CUL5: variants seen among roughly 807,000 people sequenced by gnomAD.
CUL5 encodes the protein cullin 5.
In CUL5, 26 loss-of-function variants were observed where a neutral mutation model predicts 108.8. That is an observed-to-expected ratio of 0.24 (90% CI 0.18 to 0.33). CUL5 has a LOEUF of 0.33. Among genes scored for constraint, CUL5 ranks in the 10% least tolerant of loss-of-function variants. The probability of loss-of-function intolerance (pLI) is 1.00; values close to 1 mark genes in which losing one functional copy is unlikely to be tolerated. For synonymous variants in CUL5, 334 were observed against 298.0 expected (o/e 1.12, Z -1.25); for missense variants, 524 against 909.2 (o/e 0.58, Z 5.45).
At chr11:108,053,006 C>T (rs1863273545) in intron 5 of CUL5, among the ~76,000 whole-genome samples, 1 of 152,176 alleles carries the variant, frequency 6.6e-6, no homozygotes, top group Non-Finnish European at 1.5e-5. Context: ...ATATTTTCTT[C>T]ATGCCATTAA....
intron 1 of CUL5, among the ~76,000 whole-genome samples, chr11:108,021,353 G>A (rs1473971279): frequency 6.6e-6 from 1 of 152,142 alleles, no homozygotes; most frequent in Non-Finnish European, 1.5e-5. Context: ...TAATTCTATG[G>A]ATGCCATTAT....
In CUL5 at chr11:108,105,694, A is replaced by G. The variant is rs1864782161; in HGVS notation, c.*1310A>G. Reference sequence around the variant, plus strand: ...AGGACGTGAACAACTTGAAAGAGAAAATTGATTCCCCTTGAGGAAAGAATG... The same window carrying G: ...AGGACGTGAACAACTTGAAAGAGAAGATTGATTCCCCTTGAGGAAAGAATG... On this transcript the variant is annotated 3_prime_UTR_variant, in exon 19 of 19. Transcript: ENST00000393094. The G allele has an allele frequency of 6.6e-6, 1 of 152,102 alleles. No individual in the cohort carries two copies. The highest frequency in any genetic ancestry group is 2.4e-5 in the African/African-American group (1 of 41,434). The allele number at this position is 152,102 out of a possible 1,614,324, so 9.4% of individuals were successfully genotyped here. A position where few individuals can be genotyped will look rare whatever the true frequency, so the allele number is the denominator to read the frequency against.
intron 11 of CUL5, among the ~76,000 whole-genome samples, chr11:108,081,691 G>T (rs1291529473): frequency 6.6e-6 from 1 of 152,190 alleles, no homozygotes; most frequent in Non-Finnish European, 1.5e-5. Flanking sequence ...GGCAGAGCTT[G>T]CAGTGAGCTG....
intron 1 of CUL5, among the ~76,000 whole-genome samples, chr11:108,022,436 T>C (rs1351604902): frequency 6.6e-6 from 1 of 152,228 alleles, no homozygotes; most frequent in Non-Finnish European, 1.5e-5. Flanking sequence ...GCTCCTTTAC[T>C]CATGACCTAG....
At chr11:108,096,096 GA>G (rs776430763) in intron 16 of CUL5, among the ~76,000 whole-genome samples, 307 of 125,794 alleles carry the variant, frequency 2.4e-3, no homozygotes, top group African/African-American at 4.4e-3. Context: ...AACTCCGTCT[GA>G]AAAAAAAAAA....
At chr11:108,103,829 T>C (rs1057201848) in intron 18 of CUL5, among the ~76,000 whole-genome samples, 5 of 152,180 alleles carry the variant, frequency 3.3e-5, no homozygotes, top group Non-Finnish European at 5.9e-5. Context: ...AAATACATAC[T>C]TTAAGTTCTG....
chr11:108,052,638 C>T (rs763578346), intron 4 of CUL5, 22 bp from the exon 5 acceptor site: 20 of 1,569,630 alleles, frequency 1.3e-5, no homozygotes, highest in Middle Eastern at 1.7e-4. Flanking sequence ...AATTATGTTA[C>T]AATTTGTTCT....
intron 1 of CUL5, among the ~76,000 whole-genome samples, chr11:108,014,678 A>G (rs1172759875): frequency 1.3e-5 from 2 of 152,202 alleles, no homozygotes; most frequent in East Asian, 1.9e-4. Flanking sequence ...TGGGAAATAC[A>G]TTTATTCATT....
At chr11:108,064,135 C>T (rs1863616625) in intron 7 of CUL5, among the ~76,000 whole-genome samples, 1 of 152,122 alleles carries the variant, frequency 6.6e-6, no homozygotes, top group Non-Finnish European at 1.5e-5. Context: ...TAGTTTTTCT[C>T]CATTCAGTAT....
chr11:108,071,126 A>G (rs1420208869), intron 8 of CUL5, among the ~76,000 whole-genome samples: 1 of 152,180 alleles, frequency 6.6e-6, no homozygotes, highest in Non-Finnish European at 1.5e-5. Flanking sequence ...CTAATCTCTA[A>G]TATAGTTGCT....
intron 11 of CUL5, among the ~76,000 whole-genome samples, chr11:108,084,125 G>A (rs1864168032): frequency 6.6e-6 from 1 of 152,166 alleles, no homozygotes; most frequent in African/African-American, 2.4e-5. Flanking sequence ...ACTGATAGTA[G>A]CATCCAAGTT....
chr11:108,083,442 CTT>C (rs1864148423), intron 11 of CUL5, among the ~76,000 whole-genome samples: 1 of 152,146 alleles, frequency 6.6e-6, no homozygotes, highest in African/African-American at 2.4e-5. Context: ...CTGGGTTTCT[CTT>C]AGTTTTCTGA....
intron 16 of CUL5, among the ~76,000 whole-genome samples, chr11:108,096,983 C>T (rs1294388364): frequency 3.3e-5 from 5 of 152,142 alleles, no homozygotes; most frequent in African/African-American, 7.2e-5. Context: ...CTGCTCACAA[C>T]TACATTTTAT....
At chr11:108,083,903 G>T (rs1864160647) in intron 11 of CUL5, among the ~76,000 whole-genome samples, 6 of 152,200 alleles carry the variant, frequency 3.9e-5, no homozygotes, top group Admixed American at 3.9e-4. Context: ...AACCCTGCGG[G>T]CTGCATGCGG....
chr11:108,031,733 A>G (rs1377303326), intron 1 of CUL5, among the ~76,000 whole-genome samples: 2 of 152,216 alleles, frequency 1.3e-5, no homozygotes, highest in African/African-American at 4.8e-5. Flanking sequence ...TGTTCATCAC[A>G]GCACTGTTCA....
chr11:108,050,578 G>C (rs763856576), intron 4 of CUL5, among the ~76,000 whole-genome samples: 1 of 152,032 alleles, frequency 6.6e-6, no homozygotes, highest in Non-Finnish European at 1.5e-5. Flanking sequence ...ATGTTGGCCA[G>C]GCTCGTCTCG....
chr11:108,012,896 C>G (rs989437234), intron 1 of CUL5, among the ~76,000 whole-genome samples: 1 of 152,186 alleles, frequency 6.6e-6, no homozygotes, highest in South Asian at 2.1e-4. Context: ...TGCACTCTGC[C>G]TCCTCATACA....
intron 7 of CUL5, among the ~76,000 whole-genome samples, chr11:108,062,670 A>G (rs1458215521): frequency 2.6e-5 from 4 of 151,954 alleles, no homozygotes; most frequent in African/African-American, 9.7e-5. Flanking sequence ...GCAACGCATG[A>G]TAATCACATC....
rs544121212 is a variant in CUL5, at chr11:108,067,099, A to G, written c.781-2997A>G. Among the ~76,000 whole-genome samples, 5 of 152,356 alleles carry G rather than the reference A, an allele frequency of 3.3e-5. No individual in the cohort carries two copies. In the East Asian group the frequency reaches 9.6e-4, roughly 29 times the overall value. On this transcript the variant is annotated intron_variant, in intron 7 of 18. Transcript: ENST00000393094. ...CAAGACCTTATGAACCAACTGTGCA[A>G]CATTTGGAAGTTATGTGGCTACTCT...
Sources: allele counts gnomAD v4.1 joint callset (sites outside exome capture counted in the v4.1 genomes callset), GRCh38; gene constraint gnomAD v4.1.1; transcripts MANE v1.5; gene names NCBI Gene and HGNC (gene_info 2026-07-23, HGNC 2026-07-21).